Variants in ZNF398 observed in about 807,000 individuals in gnomAD.
The protein encoded by ZNF398 is zinc finger DNA binding protein ZER6.
A neutral mutation model predicts 41.9 loss-of-function variants in ZNF398; 18 were observed. The ratio of observed to expected loss-of-function variants is 0.43; its 90% CI spans 0.30 to 0.64. The LOEUF (loss-of-function observed/expected upper bound fraction) is 0.64. Among genes scored for constraint, ZNF398 ranks in the 30% least tolerant of loss-of-function variants. The pLI, the probability that ZNF398 is intolerant of heterozygous loss-of-function variation, is 0.14. For synonymous variants in ZNF398, 260 were observed against 308.8 expected, an observed-to-expected ratio of 0.84 and a Z score of 1.66; for missense variants, 669 against 822.8, an observed-to-expected ratio of 0.81 and a Z score of 2.29.
At chr7:149,138,074 G>A (rs895889749) in intron 2 of ZNF398, among the ~76,000 whole-genome samples, 2 of 151,880 alleles carry the variant, frequency 1.3e-5, no homozygotes, top group East Asian at 1.9e-4. Flanking sequence ...GGTGGCGCAC[G>A]CCTGTGATCC....
chr7:149,179,404 AC>A lies in ZNF398; in HGVS notation c.1536del (p.Cys513AlafsTer15). Reference protein sequence around the residue: ...HQMIHTGERPYPCTDCSKSFM... With the variant: ...HQMIHTGERPXPCTDCSKSFM... ...ATGATCCACACAGGCGAGCGTCCTT[AC>A]CCCTGCACTGACTGCAGTAAGAGCT... On this transcript the variant is annotated frameshift_variant, in exon 6 of 6. Transcript: ENST00000475153. LOFTEE classifies it high-confidence loss of function. The surrounding 1 kb of genome is among the most constrained non-coding windows in gnomAD (Gnocchi z 6.1). The A allele has an allele frequency of 1.2e-6, 2 of 1,613,590 alleles. No individual in the cohort carries two copies. Among genetic ancestry groups the A allele is most frequent in the Non-Finnish European group, 8.5e-7 (1 of 1,179,988 alleles).
intron 4 of ZNF398, among the ~76,000 whole-genome samples, chr7:149,167,520 G>GTTCT (rs1795248706): frequency 1.3e-5 from 2 of 151,934 alleles, no homozygotes; most frequent in South Asian, 4.2e-4. Flanking sequence ...ACACTTTTTT[G>GTTCT]TTCTTTGATG....
At chr7:149,139,682 G>T (rs1826782582) in intron 2 of ZNF398, among the ~76,000 whole-genome samples, 1 of 150,432 alleles carries the variant, frequency 6.6e-6, no homozygotes, top group Non-Finnish European at 1.5e-5. Context: ...ATCAGCCACT[G>T]CACTCCAGCC....
In ZNF398 at chr7:149,170,228, T is replaced by G. The variant is rs575986891; in HGVS notation, c.661+3298T>G. Among the ~76,000 whole-genome samples, 229 of 152,330 alleles carry G rather than the reference T, an allele frequency of 1.5e-3. 1 individual carries two copies. Among genetic ancestry groups the G allele is most frequent in the Middle Eastern group, 0.014 (4 of 294 alleles). On this transcript the variant is annotated intron_variant, in intron 4 of 5. Coordinates refer to ENST00000475153, the MANE Select transcript of ZNF398 (RefSeq NM_170686.3). ...TCTGAGAAATGCATCATTAGTTGATTTTGTCATTGTGCAGACATCACAGCG... is the reference window on the plus strand; with the variant it reads ...TCTGAGAAATGCATCATTAGTTGATGTTGTCATTGTGCAGACATCACAGCG...
At position 149,179,180 on chromosome 7, in the gene ZNF398, T is replaced by C; in HGVS notation, c.1308T>C (p.Phe436=). ...PFPCPDCPKR[F]ADQARLTSHR... is the part of the protein sequence containing the mutation. ...CCTGTCCTGATTGCCCCAAGCGCTT[T>C]GCTGACCAGGCTCGACTCACCAGCC... is the stretch of plus-strand genomic sequence containing the variant. The change falls in exon 6 of 6, where the codon TTT becomes TTC. Residue 436 remains phenylalanine (F), a synonymous_variant. Transcript: ENST00000475153. This position sits in a 1 kb window ranked among gnomAD's most constrained non-coding sequence, Gnocchi z 6.1. The C allele has an allele frequency of 6.2e-7, 1 of 1,613,558 alleles. No homozygotes were observed. Among genetic ancestry groups the C allele is most frequent in the South Asian group, 1.1e-5 (1 of 91,074 alleles).
At chr7:149,141,678 T>A (rs1261837230) in intron 2 of ZNF398, among the ~76,000 whole-genome samples, 1 of 150,464 alleles carries the variant, frequency 6.6e-6, no homozygotes, top group Non-Finnish European at 1.5e-5. Context: ...ATGGTCTGGA[T>A]CTCTTGACCT....
At chr7:149,157,101 G>C (rs111756739) in intron 2 of ZNF398, among the ~76,000 whole-genome samples, 2 of 152,078 alleles carry the variant, frequency 1.3e-5, no homozygotes, top group African/African-American at 4.8e-5. Flanking sequence ...TGGGTAGATG[G>C]TGTTGGAGTT....
intron 4 of ZNF398, among the ~76,000 whole-genome samples, chr7:149,171,010 A>T (rs1229094802): frequency 2.2e-5 from 3 of 137,298 alleles, no homozygotes; most frequent in African/African-American, 8.5e-5. Flanking sequence ...CGCCCGGCTA[A>T]TTTTTTTTTT....
chr7:149,170,544 G>T (rs1371027117), intron 4 of ZNF398, among the ~76,000 whole-genome samples: 5 of 152,042 alleles, frequency 3.3e-5, no homozygotes, highest in African/African-American at 1.2e-4. Context: ...GACCATTCTG[G>T]CTGACACGGT....
intron 2 of ZNF398, among the ~76,000 whole-genome samples, chr7:149,133,682 TATATATGTGTGTATATATATATACACAC>T (rs1563152742): frequency 2.5e-3 from 105 of 41,192 alleles, no homozygotes; most frequent in African/African-American, 6.8e-3. Context: ...TATATATACA[TATATATGTGTGTATATATATATACACAC>T]ATATATATGT....
At position 149,141,690 on chromosome 7, in the gene ZNF398, G is replaced by A. The variant is rs557577521; in HGVS notation, c.-489-12255G>A. On this transcript the variant is annotated intron_variant, in intron 2 of 6. Coordinates refer to the ZNF398 transcript ENST00000426851. ...AGGATGGTCTGGATCTCTTGACCTCGTGATCCACCTGCCTCGGCCTCCCAA... is the reference window on the plus strand; with the variant it reads ...AGGATGGTCTGGATCTCTTGACCTCATGATCCACCTGCCTCGGCCTCCCAA... Among the ~76,000 whole-genome samples, 5 of 129,932 alleles carry A rather than the reference G, an allele frequency of 3.8e-5. No homozygotes were observed. The East Asian group carries it at 8.5e-4, about 22-fold the overall frequency. 85.2% of individuals were successfully genotyped at this position (129,932 alleles called of 152,430 possible). A position where few individuals can be genotyped will look rare whatever the true frequency, so the allele number is the denominator to read the frequency against.
Position 149,148,320 on chromosome 7 carries a change from G to A in ZNF398, c.24+554G>A, listed in dbSNP as rs145572173. 3.3e-3 allele frequency: 1,456 copies of A among 444,676 alleles called. 15 individuals are homozygous for A. The highest frequency in any genetic ancestry group is 0.029 in the African/African-American group (1,373 of 46,896). The allele number at this position is 444,676 out of a possible 1,614,324, so 27.5% of individuals were successfully genotyped here. A position where few individuals can be genotyped will look rare whatever the true frequency, so the allele number is the denominator to read the frequency against. ...GAGGCTGGAGTGGCCTCGCGTGCGT[G>A]GCGGTTCATTCGCGGGTGTTTGCCA... On this transcript the variant is annotated intron_variant, in intron 1 of 5. Coordinates refer to ENST00000475153, the MANE Select transcript of ZNF398 (RefSeq NM_170686.3).
intron 2 of ZNF398, among the ~76,000 whole-genome samples, chr7:149,165,058 C>T (rs1795198397): frequency 1.3e-5 from 2 of 150,982 alleles, no homozygotes; most frequent in African/African-American, 4.9e-5. Flanking sequence ...CGCGCCACTG[C>T]ACTCCAGCCT....
chr7:149,170,354 C>G (rs1795309572), intron 4 of ZNF398, among the ~76,000 whole-genome samples: 1 of 152,060 alleles, frequency 6.6e-6, no homozygotes, highest in Admixed American at 6.6e-5. Flanking sequence ...TATTATTGTC[C>G]TGAATACTGT....
At position 149,179,654 on chromosome 7, in the gene ZNF398, T is replaced by G. The variant is rs376797993; in HGVS notation, c.1782T>G (p.Cys594Trp). ...DHLRSGHNGG[C>W]GGDSDPSGQP... ...TCCGTTCAGGCCACAATGGAGGCTGTGGGGGTGATAGTGACCCATCAGGTC... is the reference window on the plus strand; with the variant it reads ...TCCGTTCAGGCCACAATGGAGGCTGGGGGGGTGATAGTGACCCATCAGGTC... Residue 594 changes from cysteine (C) to tryptophan (W), a missense_variant, in exon 6 of 6, where the codon TGT becomes TGG. Physicochemically the swap from Cys to Trp is radical, Grantham distance 215 (BLOSUM62 -2). Around this residue, in one of 3 missense-constraint regions of ZNF398, gnomAD observed 210 missense variants for 290.4 expected, o/e 0.72. Transcript: ENST00000475153. This position sits in a 1 kb window ranked among gnomAD's most constrained non-coding sequence, Gnocchi z 6.1. 3 of 1,614,050 alleles carry G rather than the reference T, an allele frequency of 1.9e-6. No individual in the cohort carries two copies. The highest frequency in any genetic ancestry group is 2.5e-6 in the Non-Finnish European group (3 of 1,180,030).
chr7:149,137,631 T>C (rs1200913587), intron 2 of ZNF398, among the ~76,000 whole-genome samples: 5 of 152,144 alleles, frequency 3.3e-5, no homozygotes, highest in Non-Finnish European at 7.4e-5. Context: ...CCACCTGCCT[T>C]GGCCTCCCAA....
chr7:149,144,446 G>A (rs1826890880), upstream of ZNF398, among the ~76,000 whole-genome samples: 2 of 151,894 alleles, frequency 1.3e-5, no homozygotes, highest in Admixed American at 6.6e-5. Flanking sequence ...TAACTGGGTC[G>A]ACAGGTGTGC....
chr7:149,154,083 A>C lies in ZNF398; in HGVS notation c.163A>C (p.Arg55=). The C allele has an allele frequency of 6.2e-7, 1 of 1,614,136 alleles. No homozygotes were observed. The highest frequency in any genetic ancestry group is 1.1e-5 in the South Asian group (1 of 91,082). Residue 55 remains arginine (R), a synonymous_variant, in exon 2 of 6, where the codon AGG becomes CGG. Coordinates refer to ENST00000475153, the MANE Select transcript of ZNF398 (RefSeq NM_170686.3). ...GGTGGCCGCCGTGCAGGCTATAGAG[A>C]GGAAGGTGGAGATCCACAGCCGGCG... The part of the protein sequence containing the change: ...TVVAAVQAIE[R]KVEIHSRRLL...
intron 2 of ZNF398, among the ~76,000 whole-genome samples, chr7:149,133,678 TAC>T (rs374864305): frequency 0.23 from 14,239 of 60,678 alleles, 2,147 homozygotes; most frequent in East Asian, 0.3. Context: ...TATATATATA[TAC>T]ATATATATGT....
Sources: gnomAD v4.1 joint callset for allele counts (sites outside exome capture counted in the v4.1 genomes callset) on GRCh38, gnomAD v4.1.1 for gene constraint, gnomAD v4.1.1 regional missense constraint, Gnocchi (gnomAD v3.1) non-coding constraint, MANE v1.5 for transcripts, NCBI Gene and HGNC (gene_info 2026-07-23, HGNC 2026-07-21) for gene names.